Variants in MGAT4C observed in about 807,000 individuals in gnomAD.
MGAT4C encodes alpha-1,3-mannosyl-glycoprotein 4-beta-N-acetylglucosaminyltransferase C.
Under a neutral mutation model 40.1 loss-of-function variants are expected in MGAT4C, and 19 were observed. That is an observed-to-expected ratio of 0.47 (90% CI 0.33 to 0.70). MGAT4C has a LOEUF of 0.70. MGAT4C is among the 30% of genes least tolerant of loss of function. MGAT4C has a pLI of 0.02. For synonymous variants in MGAT4C, 181 were observed against 187.1 expected (o/e 0.97, Z 0.27); for missense variants, 491 against 563.2 (o/e 0.87, Z 1.30).
intron 3 of MGAT4C, among the ~76,000 whole-genome samples, chr12:86,348,993 C>T (rs1303453277): frequency 6.6e-6 from 1 of 152,120 alleles, no homozygotes; most frequent in Non-Finnish European, 1.5e-5. Flanking sequence ...ACCACACCTA[C>T]TGACTAAAAT....
At chr12:86,149,903 T>A (rs1320261987) in intron 1 of MGAT4C, among the ~76,000 whole-genome samples, 2 of 152,220 alleles carry the variant, frequency 1.3e-5, no homozygotes, top group Non-Finnish European at 2.9e-5. Context: ...AATTAAAAAC[T>A]CAAATTTCTT....
intron 1 of MGAT4C, among the ~76,000 whole-genome samples, chr12:86,833,702 C>T (rs1952975818): frequency 6.6e-6 from 1 of 151,876 alleles, no homozygotes; most frequent in African/African-American, 2.4e-5. Flanking sequence ...GTTAAGTCTT[C>T]AATATATGAA....
chr12:86,127,096 C>T (rs1374496710), intron 1 of MGAT4C, among the ~76,000 whole-genome samples: 1 of 152,184 alleles, frequency 6.6e-6, no homozygotes, highest in Non-Finnish European at 1.5e-5. Context: ...GGCGGCTCAC[C>T]ACCTGCTGTG....
Position 86,020,820 on chromosome 12 carries a change from T to C in MGAT4C, c.-7+28854A>G, listed in dbSNP as rs537016463. ...AGGCAACCTACAGAATGGAAGAAAA[T>C]TTTTGCAATCTGCTCATCTGACAAA... On this transcript the variant is annotated intron_variant, in intron 2 of 4. Coordinates refer to ENST00000611864, the MANE Select transcript of MGAT4C (RefSeq NM_001351288.2). 1.8e-4 allele frequency among the ~76,000 whole-genome samples: 28 copies of C among 152,108 alleles called. No homozygotes were observed. In the South Asian group the frequency reaches 4.6e-3, roughly 25 times the overall value.
In MGAT4C at chr12:86,448,440, T is replaced by C. The variant is rs562859216; in HGVS notation, c.-228-13175A>G. 5.9e-5 allele frequency among the ~76,000 whole-genome samples: 9 copies of C among 152,314 alleles called. No individual in the cohort carries two copies. In the South Asian group the frequency reaches 1.7e-3, roughly 28 times the overall value. On this transcript the variant is annotated intron_variant, in intron 2 of 7. Coordinates refer to the MGAT4C transcript ENST00000548651. The stretch of plus-strand genomic sequence containing the variant: ...GTGCAACTCCAACCTAAACCAAGCA[T>C]AGCCTTCTCCTTACCCTATCTTAAT...
chr12:86,456,072 T>C (rs1380644453), intron 2 of MGAT4C, among the ~76,000 whole-genome samples: 1 of 152,146 alleles, frequency 6.6e-6, no homozygotes, highest in East Asian at 1.9e-4. Flanking sequence ...TAATATATCC[T>C]TCCTATTCCT....
chr12:86,163,553 C>T (rs2135807018), intron 1 of MGAT4C, among the ~76,000 whole-genome samples: 1 of 152,202 alleles, frequency 6.6e-6, no homozygotes, highest in East Asian at 1.9e-4. Flanking sequence ...ATATCATTAA[C>T]AATGATCCTT....
At chr12:86,299,368 C>T (rs1375132475) in intron 4 of MGAT4C, among the ~76,000 whole-genome samples, 2 of 152,166 alleles carry the variant, frequency 1.3e-5, no homozygotes, top group Non-Finnish European at 2.9e-5. Context: ...CCGCCCGCCT[C>T]GGCCTCCCAG....
intron 2 of MGAT4C, among the ~76,000 whole-genome samples, chr12:86,630,780 G>GC (rs1344354701): frequency 1.3e-5 from 2 of 151,988 alleles, no homozygotes; most frequent in Non-Finnish European, 2.9e-5. Flanking sequence ...CTTATGACAA[G>GC]CCCACAGCCA....
intron 1 of MGAT4C, among the ~76,000 whole-genome samples, chr12:86,737,598 A>G (rs989293239): frequency 2.0e-5 from 3 of 151,292 alleles, no homozygotes; most frequent in African/African-American, 7.3e-5. Context: ...TCCAGCTCCT[A>G]ATACTTTCTG....
At chr12:86,331,527 A>G (rs1392240300) in intron 4 of MGAT4C, among the ~76,000 whole-genome samples, 1 of 151,952 alleles carries the variant, frequency 6.6e-6, no homozygotes. Context: ...CACTTACTCA[A>G]CTTCTGAGAT....
intron 2 of MGAT4C, among the ~76,000 whole-genome samples, chr12:86,702,576 T>G (rs985913579): frequency 6.6e-6 from 1 of 152,196 alleles, no homozygotes; most frequent in African/African-American, 2.4e-5. Flanking sequence ...ACTCTGCATG[T>G]GCTGTATAAA....
intron 3 of MGAT4C, among the ~76,000 whole-genome samples, chr12:86,352,942 T>C (rs61950736): frequency 0.085 from 12,803 of 150,940 alleles, 750 homozygotes; most frequent in Middle Eastern, 0.22. Context: ...GGGTGCAGCA[T>C]ACCAACATGG....
intron 1 of MGAT4C, among the ~76,000 whole-genome samples, chr12:86,095,636 CTT>C (rs11332636): frequency 8.3e-5 from 12 of 144,406 alleles, no homozygotes; most frequent in East Asian, 4.0e-4. Flanking sequence ...GGACTATTTT[CTT>C]TTTTTTTTTT....
intron 2 of MGAT4C, among the ~76,000 whole-genome samples, chr12:86,562,101 C>T (rs1959892935): frequency 6.6e-6 from 1 of 152,142 alleles, no homozygotes; most frequent in Admixed American, 6.5e-5. Context: ...TGGTTGGCTG[C>T]TCTAAGTTCA....
intron 2 of MGAT4C, among the ~76,000 whole-genome samples, chr12:85,990,136 CT>C (rs1468816356): frequency 9.2e-5 from 14 of 152,006 alleles, no homozygotes; most frequent in South Asian, 4.1e-4. Flanking sequence ...TCCAATTATT[CT>C]TGTTAAATCA....
intron 2 of MGAT4C, among the ~76,000 whole-genome samples, chr12:86,661,160 T>C (rs1410298418): frequency 4.0e-5 from 6 of 151,890 alleles, no homozygotes; most frequent in Admixed American, 6.6e-5. Context: ...GTCACAGTTG[T>C]GTTGATATTT....
At chr12:86,246,757 T>C (rs970895435) in intron 1 of MGAT4C, among the ~76,000 whole-genome samples, 1 of 152,234 alleles carries the variant, frequency 6.6e-6, no homozygotes, top group African/African-American at 2.4e-5. Flanking sequence ...CAAGTCTTTA[T>C]TCCTTTTCTG....
At chr12:86,610,308 TCAGGAGG>T (rs1962203274) in intron 2 of MGAT4C, among the ~76,000 whole-genome samples, 1 of 152,174 alleles carries the variant, frequency 6.6e-6, no homozygotes, top group Non-Finnish European at 1.5e-5. Context: ...CTATACTTGC[TCAGGAGG>T]ATATATAACC....
Sources: gnomAD v4.1 joint callset for allele counts (sites outside exome capture counted in the v4.1 genomes callset) on GRCh38, gnomAD v4.1.1 for gene constraint, MANE v1.5 for transcripts, NCBI Gene and HGNC (gene_info 2026-07-23, HGNC 2026-07-21) for gene names.